Variants in TEK observed in about 807,000 individuals in gnomAD.
TEK encodes the protein angiopoietin-1 receptor.
Under a neutral mutation model 131.8 loss-of-function variants are expected in TEK, and 43 were observed. That is an observed-to-expected ratio of 0.33 (90% CI 0.26 to 0.42). TEK has a LOEUF of 0.42. Among genes scored for constraint, TEK ranks in the 10% least tolerant of loss-of-function variants. The pLI is 1.00. For synonymous variants in TEK, 580 were observed against 491.6 expected (o/e 1.18, Z -2.38); for missense variants, 1,162 against 1,384.4 (o/e 0.84, Z 2.55).
chr9:27,223,370 A>C (rs1330255756), intron 21 of TEK, among the ~76,000 whole-genome samples: 2 of 152,232 alleles, frequency 1.3e-5, no homozygotes, highest in Non-Finnish European at 2.9e-5. Flanking sequence ...CATAACTGGA[A>C]GTAAAACATT....
intron 7 of TEK, 31 bp downstream of exon 7, chr9:27,180,399 A>G: frequency 1.2e-6 from 2 of 1,602,940 alleles, no homozygotes; most frequent in South Asian, 1.1e-5. Flanking sequence ...AGTCAGGGCC[A>G]TGTTCAGCAT....
intron 1 of TEK, among the ~76,000 whole-genome samples, chr9:27,135,196 C>G (rs11788127): frequency 0.15 from 22,391 of 150,280 alleles, 2,579 homozygotes; most frequent in African/African-American, 0.32. Flanking sequence ...TGCACTCCAG[C>G]CTTGGTGACA....
At chr9:27,226,126 G>A (rs556016125) in intron 21 of TEK, among the ~76,000 whole-genome samples, 2 of 152,318 alleles carry the variant, frequency 1.3e-5, no homozygotes, top group East Asian at 1.9e-4. Flanking sequence ...CTTTTACACT[G>A]TTGGTGGGAG....
At chr9:27,182,827 A>G (rs10967760) in intron 7 of TEK, among the ~76,000 whole-genome samples, 35,432 of 152,188 alleles carry the variant, frequency 0.23, 4,223 homozygotes, top group East Asian at 0.27. Flanking sequence ...CCTTCTTTCA[A>G]TATTGGCAGC....
intron 6 of TEK, among the ~76,000 whole-genome samples, chr9:27,179,577 T>C (rs1824288233): frequency 6.6e-6 from 1 of 152,196 alleles, no homozygotes; most frequent in Non-Finnish European, 1.5e-5. Flanking sequence ...AATGTTGATT[T>C]TGTTTTGTTT....
At chr9:27,205,119 A>G in intron 14 of TEK, 54 bp downstream of exon 14, 1 of 1,607,126 alleles carries the variant, frequency 6.2e-7, no homozygotes. Context: ...TACAGGCAGA[A>G]CCTTCACTTT....
chr9:27,206,357 A>C (rs1587013605), intron 14 of TEK, among the ~76,000 whole-genome samples: 1 of 152,352 alleles, frequency 6.6e-6, no homozygotes, highest in South Asian at 2.1e-4. Flanking sequence ...GACATTGCTA[A>C]TCAACAGGCT....
intron 6 of TEK, among the ~76,000 whole-genome samples, chr9:27,177,698 T>C (rs1316378359): frequency 6.6e-6 from 1 of 152,054 alleles, no homozygotes; most frequent in Non-Finnish European, 1.5e-5. Flanking sequence ...TGTGGTGAGC[T>C]GAGGTCATGC....
intron 10 of TEK, chr9:27,191,863 A>G (rs1824836310): frequency 2.2e-6 from 1 of 448,156 alleles, no homozygotes; most frequent in Non-Finnish European, 4.5e-6. Context: ...TGTTAAACAC[A>G]TCCCAGTTTT....
At chr9:27,221,259 C>G (rs540190218) in intron 21 of TEK, among the ~76,000 whole-genome samples, 1 of 152,170 alleles carries the variant, frequency 6.6e-6, no homozygotes, top group Admixed American at 6.5e-5. Context: ...GAAAGAAAGG[C>G]AACAGCCACA....
rs1825355659 is a variant in TEK, at chr9:27,205,075, C to T, written c.2364+10C>T. On this transcript the variant is annotated intron_variant, in intron 14 of 22. Coordinates refer to ENST00000380036, the MANE Select transcript of TEK (RefSeq NM_000459.5). ...AGCCTTCCAAAACGTGGTAGTGTCT[C>T]ATCTTCCTACTAGCTAATAAGGGCA... 6.2e-7 allele frequency: 1 copy of T among 1,613,828 alleles called. No homozygotes were observed.
At chr9:27,192,703 GGGT>G in intron 11 of TEK, 80 bp downstream of exon 11, 1 of 1,215,534 alleles carries the variant, frequency 8.2e-7, no homozygotes, top group Non-Finnish European at 1.2e-6. Flanking sequence ...AGACCAGGAA[GGGT>G]GGTGGTGGGT....
intron 21 of TEK, among the ~76,000 whole-genome samples, chr9:27,224,414 ATCAAGTCTGCT>A: frequency 1.3e-5 from 2 of 152,152 alleles, no homozygotes; most frequent in East Asian, 3.9e-4. Flanking sequence ...ATCCACCATG[ATCAAGTCTGCT>A]TCATCCTTGG....
At chr9:27,204,421 A>G (rs908897931) in intron 13 of TEK, among the ~76,000 whole-genome samples, 7 of 152,236 alleles carry the variant, frequency 4.6e-5, no homozygotes, top group Admixed American at 2.6e-4. Context: ...ATTGGGTATC[A>G]TTAGGTTTTC....
At chr9:27,134,818 G>C (rs1392058422) in intron 1 of TEK, among the ~76,000 whole-genome samples, 1 of 152,138 alleles carries the variant, frequency 6.6e-6, no homozygotes, top group African/African-American at 2.4e-5. Context: ...TTAGCAATGT[G>C]CTCAGAATAC....
rs776229235 is a variant in TEK, at chr9:27,180,361, G to C, written c.1023G>C (p.Glu341Asp). The C allele has an allele frequency of 6.2e-7, 1 of 1,613,118 alleles. No homozygotes were observed. Among genetic ancestry groups the C allele is most frequent in the Non-Finnish European group, 8.5e-7 (1 of 1,179,516 alleles). ...CAGGATGGCAGGGGCTCCAGTGTGA[G>C]AGAGAAGGTAAAGCAAGGTAACACT... ...CSPGWQGLQC[E>D]REGIQRMTPK... Residue 341 changes from glutamate to aspartate, a missense_variant, in exon 7 of 23, where the codon GAG becomes GAC. By Grantham distance (45) the Glu-to-Asp change is conservative. Coordinates refer to ENST00000380036, the MANE Select transcript of TEK (RefSeq NM_000459.5).
chr9:27,217,862 A>C (rs570998965), intron 19 of TEK, 104 bp downstream of exon 19: 1 of 965,182 alleles, frequency 1.0e-6, no homozygotes, highest in South Asian at 1.4e-5. Context: ...AGCTCTCGGG[A>C]ACAAAGGTAA....
intron 1 of TEK, among the ~76,000 whole-genome samples, chr9:27,142,249 T>G (rs1196909486): frequency 6.6e-6 from 1 of 152,242 alleles, no homozygotes; most frequent in Non-Finnish European, 1.5e-5. Context: ...GCATCTGTAC[T>G]TGTGAAGGTG....
At chr9:27,126,217 C>T (rs1037603145) in intron 1 of TEK, among the ~76,000 whole-genome samples, 24 of 152,268 alleles carry the variant, frequency 1.6e-4, no homozygotes, top group African/African-American at 5.1e-4. Flanking sequence ...CAGAGGCACT[C>T]CTGCCTGAAC....
Sources: gnomAD v4.1 joint callset for allele counts (sites outside exome capture counted in the v4.1 genomes callset) on GRCh38, gnomAD v4.1.1 for gene constraint, MANE v1.5 for transcripts, NCBI Gene and HGNC (gene_info 2026-07-23, HGNC 2026-07-21) for gene names.